Variants in SPINT2 observed in about 807,000 individuals in gnomAD.
SPINT2 encodes the protein serine peptidase inhibitor, Kunitz type 2.
SPINT2 carries 18 observed loss-of-function variants against 30.1 expected under a neutral mutation model. The ratio of observed to expected loss-of-function variants is 0.60; its 90% CI spans 0.41 to 0.89. The LOEUF (loss-of-function observed/expected upper bound fraction) is 0.89. Ranked by LOEUF, SPINT2 falls within the 40% of genes least tolerant of loss-of-function variation. SPINT2 has a pLI of 0.00. For missense variants in SPINT2, 276 were observed against 334.3 expected (o/e 0.83, Z 1.36); for synonymous variants, 139 against 137.9 (o/e 1.01, Z -0.05).
intron 1 of SPINT2, among the ~76,000 whole-genome samples, chr19:38,271,171 G>GATTAGAAGC (rs1274087459): frequency 6.6e-6 from 1 of 152,152 alleles, no homozygotes; most frequent in Non-Finnish European, 1.5e-5. Flanking sequence ...TTTGAAATAT[G>GATTAGAAGC]CTTTTTATGA....
At position 38,290,009 on chromosome 19, in the gene SPINT2, A is replaced by G. The variant is rs1600352011; in HGVS notation, c.392-110A>G. 2.5e-6 allele frequency: 3 copies of G among 1,179,754 alleles called. No homozygotes were observed. The highest frequency in any genetic ancestry group is 3.8e-6 in the Non-Finnish European group (3 of 795,766). 73.1% of individuals were successfully genotyped at this position (1,179,754 alleles called of 1,614,324 possible). A position where few individuals can be genotyped will look rare whatever the true frequency, so the allele number is the denominator to read the frequency against. ...TAATTTACAGGCTTCTTTACCAGAG[A>G]GATGTTTCTCCGTCTGCTGGAGCCG... is the stretch of plus-strand genomic sequence containing the variant. On this transcript the variant is annotated intron_variant, in intron 4 of 6. Coordinates refer to ENST00000301244, the MANE Select transcript of SPINT2 (RefSeq NM_021102.4). The surrounding 1 kb of genome is among the most constrained non-coding windows in gnomAD (Gnocchi z 4.3).
Position 38,270,828 on chromosome 19 carries a change from G to A in SPINT2, c.106+5830G>A, listed in dbSNP as rs377701049. Among the ~76,000 whole-genome samples, 34 of 152,350 alleles carry A rather than the reference G, an allele frequency of 2.2e-4. No individual in the cohort carries two copies. In the East Asian group the frequency reaches 2.3e-3, roughly 10 times the overall value. On this transcript the variant is annotated intron_variant, in intron 1 of 6. Coordinates refer to ENST00000301244, the MANE Select transcript of SPINT2 (RefSeq NM_021102.4). ...ATGTCTGGAGGCTACAGGGGAGGCT[G>A]AATAAGGGGTGATAAGCCTGTGGCT...
At chr19:38,277,502 T>TGG (rs1968534621) in intron 1 of SPINT2, among the ~76,000 whole-genome samples, 1 of 152,182 alleles carries the variant, frequency 6.6e-6, no homozygotes, top group African/African-American at 2.4e-5. Context: ...CCCAGTACTA[T>TGG]CTTGCTAAGC....
chr19:38,288,813 A>C, intron 3 of SPINT2: 1 of 331,516 alleles, frequency 3.0e-6, no homozygotes, highest in African/African-American at 2.1e-5. Flanking sequence ...TCTGGTTTCC[A>C]TCTTGTTGGA....
Position 38,290,333 on chromosome 19 carries a change from C to T in SPINT2, c.553+53C>T. ...AGCCCTGCCCTTGAGGACCCCGGTC[C>T]ATCTCCCCATCCCTAAAATATGAAG... On this transcript the variant is annotated intron_variant, in intron 5 of 6. Transcript: ENST00000301244. This position sits in a 1 kb window ranked among gnomAD's most constrained non-coding sequence, Gnocchi z 4.3. 2 of 1,596,302 alleles carry T rather than the reference C, an allele frequency of 1.3e-6. No homozygotes were observed. Among genetic ancestry groups the T allele is most frequent in the East Asian group, 2.3e-5 (1 of 44,274 alleles).
Position 38,290,433 on chromosome 19 carries a change from C to T in SPINT2, c.554-104C>T, listed in dbSNP as rs1600352596. On this transcript the variant is annotated intron_variant, in intron 5 of 6. Transcript: ENST00000301244. The surrounding 1 kb of genome is among the most constrained non-coding windows in gnomAD (Gnocchi z 4.3). Reference sequence around the variant, plus strand: ...CCCCAGAAAAGCTGGAAGAAAGCCCCTCAGAAAGAGCTCCCCATGGAGGCC... The same window carrying T: ...CCCCAGAAAAGCTGGAAGAAAGCCCTTCAGAAAGAGCTCCCCATGGAGGCC... 1 of 1,604,718 alleles carries T rather than the reference C, an allele frequency of 6.2e-7. No individual in the cohort carries two copies. The highest frequency in any genetic ancestry group is 1.1e-5 in the South Asian group (1 of 90,276).
At chr19:38,268,957 G>A (rs1968414891) in intron 1 of SPINT2, among the ~76,000 whole-genome samples, 1 of 152,264 alleles carries the variant, frequency 6.6e-6, no homozygotes, top group African/African-American at 2.4e-5. Context: ...CAGCAGAATA[G>A]AAACTTGAAA....
rs749694267 is a variant in SPINT2, at chr19:38,283,658, A to G, written c.138A>G (p.Arg46=). Residue 46 remains arginine (R), a synonymous_variant, in exon 2 of 7, where the codon AGA becomes AGG. Transcript: ENST00000301244. The stretch of plus-strand genomic sequence containing the variant: ...GCCTGGTGTCGAAGGTGGTGGGCAG[A>G]TGCCGGGCCTCCATGCCTAGGTGGT... The part of the protein sequence containing the change: ...DFCLVSKVVG[R]CRASMPRWWY... 1.3e-5 allele frequency: 21 copies of G among 1,613,914 alleles called. No homozygotes were observed. The highest frequency in any genetic ancestry group is 1.8e-5 in the Non-Finnish European group (21 of 1,180,020).
At chr19:38,270,895 T>TG (rs1278483188) in intron 1 of SPINT2, among the ~76,000 whole-genome samples, 2 of 152,146 alleles carry the variant, frequency 1.3e-5, no homozygotes, top group African/African-American at 4.8e-5. Flanking sequence ...CACACTGAAA[T>TG]GACTCCATTA....
chr19:38,286,755 C>T (rs994171261), intron 2 of SPINT2, among the ~76,000 whole-genome samples: 1 of 152,172 alleles, frequency 6.6e-6, no homozygotes, highest in Non-Finnish European at 1.5e-5. Context: ...AGCACTCCAG[C>T]CTGGGCGACA....
In SPINT2 at chr19:38,292,182, G is replaced by T. The variant is rs1968730216; in HGVS notation, c.*176G>T. On this transcript the variant is annotated 3_prime_UTR_variant, in exon 7 of 7. Coordinates refer to ENST00000301244, the MANE Select transcript of SPINT2 (RefSeq NM_021102.4). ...TGGGTTTGCTTTGGAAATCCTCTAG[G>T]AGGCTCCTCCTCGCATGGCCTGCAG... 4 of 844,546 alleles carry T rather than the reference G, an allele frequency of 4.7e-6. No homozygotes were observed. The highest frequency in any genetic ancestry group is 7.3e-6 in the Non-Finnish European group (4 of 545,166). 52.3% of individuals were successfully genotyped at this position (844,546 alleles called of 1,614,324 possible).
rs778725079 is a variant in SPINT2, at chr19:38,274,961, T to C, written c.107-8666T>C. Reference sequence around the variant, plus strand: ...GAAATGAGGGCGGCAGTTGTGACTTTCTGGATGGTGGCCCAGAGGAAGCAA... The same window carrying C: ...GAAATGAGGGCGGCAGTTGTGACTTCCTGGATGGTGGCCCAGAGGAAGCAA... On this transcript the variant is annotated intron_variant, in intron 1 of 6. Transcript: ENST00000301244. Among the ~76,000 whole-genome samples the C allele has an allele frequency of 1.1e-4, 17 of 152,290 alleles. No individual in the cohort carries two copies. The Middle Eastern group carries it at 0.01, about 91-fold the overall frequency.
chr19:38,268,654 G>A (rs1327093753), intron 1 of SPINT2, among the ~76,000 whole-genome samples: 1 of 152,078 alleles, frequency 6.6e-6, no homozygotes, highest in Non-Finnish European at 1.5e-5. Context: ...GTAGGCCTTT[G>A]GCTTGTGACC....
intron 6 of SPINT2, chr19:38,291,161 G>A (rs1968713742): frequency 5.8e-6 from 1 of 172,596 alleles, no homozygotes; most frequent in Admixed American, 5.5e-5. Flanking sequence ...ACGGGGCTGG[G>A]AAGCAAGCAG....
At chr19:38,267,024 A>G (rs1404728766) in intron 1 of SPINT2, among the ~76,000 whole-genome samples, 11 of 152,072 alleles carry the variant, frequency 7.2e-5, no homozygotes, top group African/African-American at 2.7e-4. Flanking sequence ...AACCTTTGAA[A>G]CAGCCGGGTG....
At chr19:38,279,206 ATT>A (rs35501271) in intron 1 of SPINT2, among the ~76,000 whole-genome samples, 2 of 148,746 alleles carry the variant, frequency 1.3e-5, no homozygotes, top group Admixed American at 1.3e-4. Context: ...AAAAAAAAAA[ATT>A]TTTTTTTTGG....
At chr19:38,287,987 G>A in intron 3 of SPINT2, 52 bp downstream of exon 3, 1 of 1,579,906 alleles carries the variant, frequency 6.3e-7, no homozygotes, top group African/African-American at 1.3e-5. Flanking sequence ...ATGGGTCATT[G>A]TGAAAGGACA....
intron 2 of SPINT2, among the ~76,000 whole-genome samples, chr19:38,284,350 C>T (rs1968617491): frequency 6.6e-6 from 1 of 152,200 alleles, no homozygotes; most frequent in Non-Finnish European, 1.5e-5. Context: ...CCACCTGGGC[C>T]TTCCAAAGGG....
rs768114317 is a variant in SPINT2, at chr19:38,290,315, C to A, written c.553+35C>A. On this transcript the variant is annotated intron_variant, in intron 5 of 6. Transcript: ENST00000301244. The surrounding 1 kb of genome is among the most constrained non-coding windows in gnomAD (Gnocchi z 4.3). ...CAGCCCCTCAGCCCAGGAAGCCCTG[C>A]CCTTGAGGACCCCGGTCCATCTCCC... The A allele has an allele frequency of 6.2e-7, 1 of 1,605,720 alleles. No homozygotes were observed.
Sources: allele counts gnomAD v4.1 joint callset (sites outside exome capture counted in the v4.1 genomes callset), GRCh38; gene constraint gnomAD v4.1.1; non-coding constraint Gnocchi (gnomAD v3.1); transcripts MANE v1.5; gene names NCBI Gene and HGNC (gene_info 2026-07-23, HGNC 2026-07-21).